The following LIMCH1 variants were observed in gnomAD, a reference collection of about 807,000 sequenced individuals.
LIMCH1 encodes LIM and calponin homology domains-containing protein 1.
In LIMCH1, 113 loss-of-function variants were observed where a neutral mutation model predicts 176.5. The ratio of observed to expected loss-of-function variants is 0.64; its 90% CI spans 0.55 to 0.75. The LOEUF is 0.75. Ranked by LOEUF, LIMCH1 falls within the 30% of genes least tolerant of loss-of-function variation. LIMCH1 has a pLI of 0.00. For missense variants in LIMCH1, 1,674 were observed against 1,814.9 expected, an observed-to-expected ratio of 0.92 and a Z score of 1.41; for synonymous variants, 619 against 645.9, an observed-to-expected ratio of 0.96 and a Z score of 0.63.
chr4:41,672,439 T>C (rs1241823075), intron 22 of LIMCH1, among the ~76,000 whole-genome samples: 5 of 152,144 alleles, frequency 3.3e-5, no homozygotes, highest in Non-Finnish European at 2.9e-5. Context: ...TATAGATACA[T>C]TTTTTTAAAT....
At chr4:41,403,718 T>G (rs1321789660) in intron 1 of LIMCH1, among the ~76,000 whole-genome samples, 1 of 152,222 alleles carries the variant, frequency 6.6e-6, no homozygotes, top group Non-Finnish European at 1.5e-5. Context: ...TTTTGGTTGG[T>G]CTACTTATAC....
intron 3 of LIMCH1, among the ~76,000 whole-genome samples, chr4:41,531,817 C>T (rs950571557): frequency 1.3e-5 from 2 of 152,122 alleles, no homozygotes; most frequent in African/African-American, 4.8e-5. Context: ...ACTCTGTGTT[C>T]TCTGTAGTAG....
chr4:41,420,272 A>G (rs943107795), intron 1 of LIMCH1, among the ~76,000 whole-genome samples: 2 of 152,222 alleles, frequency 1.3e-5, no homozygotes, highest in Non-Finnish European at 2.9e-5. Flanking sequence ...AATGCCCAGA[A>G]TAGTGCTTTG....
At position 41,428,239 on chromosome 4, in the gene LIMCH1, C is replaced by A. The variant is rs556336564; in HGVS notation, c.97-66297C>A. On this transcript the variant is annotated intron_variant, in intron 1 of 26. Coordinates refer to the LIMCH1 transcript ENST00000313860. ...GAGGCCAGTTGGTTTGGTTTCAAAT[C>A]ATCTGCCTCTTACTAGCTGTGGACC... 2.0e-5 allele frequency among the ~76,000 whole-genome samples: 3 copies of A among 152,282 alleles called. No homozygotes were observed. In the South Asian group the frequency reaches 6.2e-4, roughly 32 times the overall value.
chr4:41,497,736 C>T (rs1183136880), intron 2 of LIMCH1, among the ~76,000 whole-genome samples: 1 of 150,094 alleles, frequency 6.7e-6, no homozygotes, highest in Middle Eastern at 3.5e-3. Flanking sequence ...ACCTGGGAGG[C>T]GGAGGTTGCA....
chr4:41,374,107 G>A (rs547214446), intron 1 of LIMCH1, among the ~76,000 whole-genome samples: 11 of 152,162 alleles, frequency 7.2e-5, no homozygotes, highest in African/African-American at 2.7e-4. Flanking sequence ...GTTCTATATA[G>A]CAGTGTGAGA....
chr4:41,390,460 T>C lies in LIMCH1; in HGVS notation c.96+29524T>C, dbSNP rs140557699. Among the ~76,000 whole-genome samples the C allele has an allele frequency of 9.6e-3, 1,467 of 152,326 alleles. 27 individuals carry two copies. Among genetic ancestry groups the C allele is most frequent in the African/African-American group, 0.033 (1,384 of 41,568 alleles). On this transcript the variant is annotated intron_variant, in intron 1 of 26. Coordinates refer to the LIMCH1 transcript ENST00000313860. ...GGTCTGCCATGCGTGGTGTGCAATG[T>C]TACCAAGGGATGCATTATTAGATGG... is the stretch of plus-strand genomic sequence containing the variant.
rs183608487 is a variant in LIMCH1, at chr4:41,685,824, G to T, written c.4082G>T (p.Arg1361Met). Residue 1361 changes from arginine to methionine, a missense_variant, in exon 28 of 32, where the codon AGG (arginine) becomes ATG (methionine). Around this residue, in one of 3 missense-constraint regions of LIMCH1, gnomAD observed 1,015 missense variants for 1,102.5 expected, o/e 0.92. Transcript: ENST00000503057. The stretch of plus-strand genomic sequence containing the variant: ...CATCAGATCGAGTCTCCCAGTGAAA[G>T]GCGGAAGTGAGTAACCAGACACGAT... ...INHQIESPSE[R>M]RKKSPREHFQ... is the part of the protein sequence containing the mutation. 1.7e-5 allele frequency: 28 copies of T among 1,612,602 alleles called. No individual in the cohort carries two copies. Among genetic ancestry groups the T allele is most frequent in the Admixed American group, 3.3e-5 (2 of 59,802 alleles).
intron 8 of LIMCH1, among the ~76,000 whole-genome samples, chr4:41,628,982 C>T (rs2093155086): frequency 6.6e-6 from 1 of 152,200 alleles, no homozygotes; most frequent in African/African-American, 2.4e-5. Context: ...TTTCTGGCAG[C>T]TGTGGGTTTA....
intron 1 of LIMCH1, among the ~76,000 whole-genome samples, chr4:41,578,796 T>C (rs1359859047): frequency 2.0e-5 from 3 of 151,702 alleles, no homozygotes; most frequent in African/African-American, 7.3e-5. Context: ...CATAGCTCCC[T>C]GTAGCCTTGA....
At chr4:41,443,192 C>CTTTTTTTTTTTTTTTTTTTTTT in intron 1 of LIMCH1, among the ~76,000 whole-genome samples, 1 of 39,706 alleles carries the variant, frequency 2.5e-5, no homozygotes, top group Non-Finnish European at 4.1e-5. Flanking sequence ...TGTTTTTTTT[C>CTTTTTTTTTTTTTTTTTTTTTT]TTTTTTTTTT....
intron 1 of LIMCH1, among the ~76,000 whole-genome samples, chr4:41,410,550 C>G (rs2059388611): frequency 1.3e-5 from 2 of 152,082 alleles, no homozygotes; most frequent in Non-Finnish European, 1.5e-5. Context: ...ACATCTCGAC[C>G]AGGGTGTGAT....
At chr4:41,399,883 C>T (rs1321020917) in intron 1 of LIMCH1, among the ~76,000 whole-genome samples, 4 of 137,730 alleles carry the variant, frequency 2.9e-5, no homozygotes, top group Middle Eastern at 3.7e-3. Flanking sequence ...GGGGTTTCAC[C>T]ATGTTGGCCA....
chr4:41,496,901 AC>A (rs2072251322), intron 2 of LIMCH1, among the ~76,000 whole-genome samples: 2 of 152,216 alleles, frequency 1.3e-5, no homozygotes, highest in African/African-American at 4.8e-5. Context: ...CTAAGACTGT[AC>A]CACTCTCTAG....
At chr4:41,387,563 A>C (rs2056666211) in intron 1 of LIMCH1, among the ~76,000 whole-genome samples, 1 of 152,226 alleles carries the variant, frequency 6.6e-6, no homozygotes, top group African/African-American at 2.4e-5. Context: ...GCCTCCTTCA[A>C]CCTAAAGGGT....
intron 1 of LIMCH1, among the ~76,000 whole-genome samples, chr4:41,400,157 A>G (rs893977605): frequency 1.3e-5 from 2 of 152,142 alleles, no homozygotes; most frequent in Non-Finnish European, 2.9e-5. Context: ...ATACTTGAGG[A>G]AATAAAATAT....
chr4:41,473,206 T>C, intron 1 of LIMCH1: 1 of 984,438 alleles, frequency 1.0e-6, no homozygotes. Context: ...GTGTGTGCTG[T>C]TTACTGCATG....
rs771941497 is a variant in LIMCH1, at chr4:41,687,828, A to G, written c.4089-12A>G. Reference sequence around the variant, plus strand: ...GCTTGTCATAATTTTTGACTCCTTTACCACATTACAGGAAAAGTCCCCGAG... The same window carrying G: ...GCTTGTCATAATTTTTGACTCCTTTGCCACATTACAGGAAAAGTCCCCGAG... On this transcript the variant is annotated splice_polypyrimidine_tract_variant and intron_variant, in intron 28 of 31. Transcript: ENST00000503057. 5 of 1,598,152 alleles carry G rather than the reference A, an allele frequency of 3.1e-6. No individual in the cohort carries two copies.
chr4:41,665,718 A>G (rs367698568), intron 20 of LIMCH1, among the ~76,000 whole-genome samples: 36 of 152,328 alleles, frequency 2.4e-4, no homozygotes, highest in African/African-American at 7.7e-4. Flanking sequence ...ACCTATGCAC[A>G]GTGTCAACCA....
Sources: gnomAD v4.1 joint callset for allele counts (sites outside exome capture counted in the v4.1 genomes callset) on GRCh38, gnomAD v4.1.1 for gene constraint, gnomAD v4.1.1 regional missense constraint, MANE v1.5 for transcripts, NCBI Gene and HGNC (gene_info 2026-07-23, HGNC 2026-07-21) for gene names.